RNF216: variants seen among roughly 807,000 people sequenced by gnomAD.
RNF216 encodes E3 ubiquitin-protein ligase RNF216.
A neutral mutation model predicts 110.8 loss-of-function variants in RNF216; 72 were observed. The ratio of observed to expected loss-of-function variants is 0.65; its 90% CI spans 0.54 to 0.79. RNF216 has a LOEUF of 0.79. Ranked by LOEUF, RNF216 falls within the 30% of genes least tolerant of loss-of-function variation. The pLI is 0.00. For missense variants in RNF216, 1,342 were observed against 1,141.2 expected, an observed-to-expected ratio of 1.18 and a Z score of -2.54; for synonymous variants, 495 against 407.5, an observed-to-expected ratio of 1.21 and a Z score of -2.59.
At chr7:5,630,573 G>A (rs891405859) in intron 15 of RNF216, among the ~76,000 whole-genome samples, 1 of 152,072 alleles carries the variant, frequency 6.6e-6, no homozygotes, top group African/African-American at 2.4e-5. Context: ...AGAGATGGTG[G>A]TGGAGGGGGA....
At chr7:5,753,691 G>C (rs887995062) in intron 2 of RNF216, among the ~76,000 whole-genome samples, 1 of 152,238 alleles carries the variant, frequency 6.6e-6, no homozygotes, top group South Asian at 2.1e-4. Flanking sequence ...AAGGTTAAGA[G>C]GGACAATTTT....
At chr7:5,664,064 G>A (rs1263699680) in intron 13 of RNF216, among the ~76,000 whole-genome samples, 1 of 152,092 alleles carries the variant, frequency 6.6e-6, no homozygotes, top group Admixed American at 6.6e-5. Flanking sequence ...GATTTCTAGG[G>A]CCTAGCACTA....
chr7:5,638,078 G>T (rs1787506704), intron 15 of RNF216, among the ~76,000 whole-genome samples: 1 of 152,076 alleles, frequency 6.6e-6, no homozygotes, highest in Non-Finnish European at 1.5e-5. Flanking sequence ...ATGCCTTCCT[G>T]CCTCCTAGAC....
At position 5,741,123 on chromosome 7, in the gene RNF216, C is replaced by G; in HGVS notation, c.894G>C (p.Glu298Asp). The change falls in exon 4 of 17, where the codon GAG becomes GAC. Residue 298 changes from glutamate (E) to aspartate (D), a missense_variant. Coordinates refer to ENST00000389902, the MANE Select transcript of RNF216 (RefSeq NM_207111.4). ...CACTTGCTAACTGCTGGTCTTCAAACTCTCCTAGAGGATGGGCAGGCTGAG... is the reference window on the plus strand; with the variant it reads ...CACTTGCTAACTGCTGGTCTTCAAAGTCTCCTAGAGGATGGGCAGGCTGAG... ...SSPQPAHPLG[E>D]FEDQQLASDD... 1 of 1,614,138 alleles carries G rather than the reference C, an allele frequency of 6.2e-7. No individual in the cohort carries two copies. The highest frequency in any genetic ancestry group is 8.5e-7 in the Non-Finnish European group (1 of 1,180,036).
intron 13 of RNF216, among the ~76,000 whole-genome samples, chr7:5,667,960 G>A (rs1043980130): frequency 1.3e-5 from 2 of 152,180 alleles, no homozygotes; most frequent in Non-Finnish European, 2.9e-5. Context: ...TGGTTCCAGG[G>A]TACAGCGCAG....
chr7:5,742,451 A>G (rs1273866149), intron 3 of RNF216, among the ~76,000 whole-genome samples: 11 of 152,220 alleles, frequency 7.2e-5, no homozygotes, highest in Non-Finnish European at 1.6e-4. Flanking sequence ...ATGTTCAAAA[A>G]ACATATAAAA....
chr7:5,656,043 C>A (rs1453036568), intron 13 of RNF216, among the ~76,000 whole-genome samples: 1 of 151,960 alleles, frequency 6.6e-6, no homozygotes, highest in Admixed American at 6.6e-5. Flanking sequence ...CTGAGGGGAG[C>A]GGATTACCTG....
intron 13 of RNF216, among the ~76,000 whole-genome samples, chr7:5,659,364 G>C (rs192403462): frequency 4.2e-4 from 64 of 152,300 alleles, no homozygotes; most frequent in Middle Eastern, 3.4e-3. Flanking sequence ...CATTTAAGCT[G>C]AGTCCTAAAG....
intron 3 of RNF216, among the ~76,000 whole-genome samples, chr7:5,748,607 TACATACACAC>T (rs879553989): frequency 0.01 from 1,002 of 97,390 alleles, 5 homozygotes; most frequent in South Asian, 0.057. Flanking sequence ...ATTTTTTATA[TACATACACAC>T]ACACACACAC....
At chr7:5,649,838 G>C (rs1014631619) in intron 14 of RNF216, 3 of 152,206 alleles carry the variant, frequency 2.0e-5, no homozygotes, top group Non-Finnish European at 4.4e-5. Flanking sequence ...TCTCTCACCA[G>C]AACAAACAGC....
At position 5,624,110 on chromosome 7, in the gene RNF216, G is replaced by A. The variant is rs752785925; in HGVS notation, c.2398C>T (p.Leu800Phe). ...WTDPTEDDEK[L>F]IEEIQKEAEE... Reference sequence around the variant, plus strand: ...GCCTCCTTCTGGATTTCCTCAATAAGCTTCTCATCATCTTCCTAAAACGCA... The same window carrying A: ...GCCTCCTTCTGGATTTCCTCAATAAACTTCTCATCATCTTCCTAAAACGCA... The change falls in exon 16 of 17, where the codon CTT becomes TTT. Residue 800 changes from leucine to phenylalanine, a missense_variant. Coordinates refer to ENST00000389902, the MANE Select transcript of RNF216 (RefSeq NM_207111.4). This position sits in a 1 kb window ranked among gnomAD's most constrained non-coding sequence, Gnocchi z 4.4. 2.1e-5 allele frequency: 34 copies of A among 1,613,630 alleles called. No individual in the cohort carries two copies. Among genetic ancestry groups the A allele is most frequent in the Non-Finnish European group, 2.9e-5 (34 of 1,179,924 alleles).
Position 5,657,507 on chromosome 7 carries a change from C to T in RNF216, c.2062-4997G>A, listed in dbSNP as rs1055288452. ...GCTTGAACCCAGGAGGTAGTGGTTG[C>T]GGTGAGCCGAAATCTTGCCATTGCA... On this transcript the variant is annotated intron_variant, in intron 13 of 16. Transcript: ENST00000389902. Among the ~76,000 whole-genome samples the T allele has an allele frequency of 2.0e-5, 3 of 151,926 alleles. No individual in the cohort carries two copies. In the East Asian group the frequency reaches 5.8e-4, roughly 29 times the overall value.
Position 5,741,281 on chromosome 7 carries a change from T to C in RNF216, c.736A>G (p.Thr246Ala). ...QSLNQQPREITNQVVPQERQP... is the reference protein window; with the variant it reads ...QSLNQQPREIANQVVPQERQP... ...CGTTCCTGAGGAACGACCTGGTTTGTTATTTCACGGGGCTGTTGGTTCAGA... is the reference window on the plus strand; with the variant it reads ...CGTTCCTGAGGAACGACCTGGTTTGCTATTTCACGGGGCTGTTGGTTCAGA... Residue 246 changes from threonine (T) to alanine (A), a missense_variant, in exon 4 of 17, where the codon ACA becomes GCA. Coordinates refer to ENST00000389902, the MANE Select transcript of RNF216 (RefSeq NM_207111.4). 1 of 1,614,114 alleles carries C rather than the reference T, an allele frequency of 6.2e-7. No homozygotes were observed. Among genetic ancestry groups the C allele is most frequent in the Non-Finnish European group, 8.5e-7 (1 of 1,179,958 alleles).
Position 5,761,116 on chromosome 7 carries a change from G to A in RNF216, c.-47C>T. The A allele has an allele frequency of 1.6e-6, 2 of 1,278,978 alleles. No individual in the cohort carries two copies. Among genetic ancestry groups the A allele is most frequent in the Non-Finnish European group, 2.2e-6 (2 of 917,230 alleles). 79.2% of individuals were successfully genotyped at this position (1,278,978 alleles called of 1,614,324 possible). ...TATGGGACTGCTAATATCTAAACATGGTGACCATCTGTTTCAAAAGAACTG... is the reference window on the plus strand; with the variant it reads ...TATGGGACTGCTAATATCTAAACATAGTGACCATCTGTTTCAAAAGAACTG... On this transcript the variant is annotated 5_prime_UTR_variant, in exon 2 of 17. Transcript: ENST00000389902.
At chr7:5,628,117 A>G (rs1786831205) in intron 15 of RNF216, among the ~76,000 whole-genome samples, 1 of 152,144 alleles carries the variant, frequency 6.6e-6, no homozygotes, top group Non-Finnish European at 1.5e-5. Context: ...CCAAGGGAAT[A>G]AAAGTGTCGC....
At chr7:5,772,362 T>C (rs534106256) in intron 1 of RNF216, among the ~76,000 whole-genome samples, 1 of 152,226 alleles carries the variant, frequency 6.6e-6, no homozygotes, top group South Asian at 2.1e-4. Context: ...TGGACAACAG[T>C]TACAAAAAAA....
chr7:5,772,291 G>GT (rs1329737247), intron 1 of RNF216, among the ~76,000 whole-genome samples: 1 of 152,136 alleles, frequency 6.6e-6, no homozygotes, highest in Non-Finnish European at 1.5e-5. Context: ...GACAGTAGTA[G>GT]TAACAGCAGA....
chr7:5,747,403 G>A (rs540970966), intron 3 of RNF216, among the ~76,000 whole-genome samples: 5 of 152,326 alleles, frequency 3.3e-5, no homozygotes, highest in African/African-American at 9.6e-5. Context: ...TTATTTTCCT[G>A]AGGATGATAT....
chr7:5,719,742 T>G (rs77271156), intron 9 of RNF216, among the ~76,000 whole-genome samples: 1 of 152,220 alleles, frequency 6.6e-6, no homozygotes, highest in Non-Finnish European at 1.5e-5. Context: ...ATCACTTCAT[T>G]CATTTTTGAG....
Sources: allele counts gnomAD v4.1 joint callset (sites outside exome capture counted in the v4.1 genomes callset), GRCh38; gene constraint gnomAD v4.1.1; non-coding constraint Gnocchi (gnomAD v3.1); transcripts MANE v1.5; gene names NCBI Gene and HGNC (gene_info 2026-07-23, HGNC 2026-07-21).